Variants in ARHGEF6 observed in about 807,000 individuals in gnomAD.
ARHGEF6 encodes the protein rho guanine nucleotide exchange factor 6.
In ARHGEF6, 9 loss-of-function variants were observed where a neutral mutation model predicts 70.3. The observed-to-expected ratio is 0.13, with a 90% CI of 0.08 to 0.22. The LOEUF (loss-of-function observed/expected upper bound fraction) is 0.22. ARHGEF6 is among the 10% of genes least tolerant of loss of function. The pLI is 1.00. For missense variants in ARHGEF6, 470 were observed against 563.0 expected, an observed-to-expected ratio of 0.83 and a Z score of 1.67; for synonymous variants, 201 against 207.8, an observed-to-expected ratio of 0.97 and a Z score of 0.28.
chrX:136,714,501 T>A (rs1418761100), intron 6 of ARHGEF6, among the ~76,000 whole-genome samples: 1 of 112,435 alleles, frequency 8.9e-6, no homozygotes, highest in Non-Finnish European at 1.9e-5. Context: ...ATCGACTGAG[T>A]GCCTATTCTG....
chrX:136,742,335 A>C (rs189847990), intron 5 of ARHGEF6, among the ~76,000 whole-genome samples: 148 of 110,986 alleles, frequency 1.3e-3, no homozygotes, highest in Middle Eastern at 4.7e-3. Context: ...ACAACAACAA[A>C]AAAAAATAGA....
intron 13 of ARHGEF6, 105 bp downstream of exon 13, chrX:136,682,653 T>C: frequency 1.6e-6 from 1 of 617,956 alleles, no homozygotes; most frequent in Non-Finnish European, 2.7e-6. Flanking sequence ...AACATTCTGG[T>C]TCTCCTGGCT....
At chrX:136,697,753 A>G (rs188325091) in intron 9 of ARHGEF6, among the ~76,000 whole-genome samples, 2 of 112,649 alleles carry the variant, frequency 1.8e-5, no homozygotes, top group African/African-American at 6.5e-5. Context: ...AACAACAAAA[A>G]CATGTCCCAG....
intron 19 of ARHGEF6, among the ~76,000 whole-genome samples, chrX:136,672,324 T>C (rs780160407): frequency 2.3e-4 from 26 of 111,645 alleles, no homozygotes; most frequent in Non-Finnish European, 4.9e-4. Flanking sequence ...AATACACTGA[T>C]TCAATCTTCC....
intron 18 of ARHGEF6, among the ~76,000 whole-genome samples, chrX:136,675,803 A>T (rs1394126394): frequency 9.0e-6 from 1 of 110,965 alleles, no homozygotes; most frequent in Non-Finnish European, 1.9e-5. Context: ...TACAGGCATG[A>T]GCCACCGTGC....
intron 11 of ARHGEF6, among the ~76,000 whole-genome samples, chrX:136,686,520 A>G (rs1603336827): frequency 2.0e-5 from 2 of 100,178 alleles, no homozygotes; most frequent in East Asian, 6.2e-4. Flanking sequence ...TTTCAAACCA[A>G]GAAAAAATTA....
chrX:136,699,107 T>C (rs2076539619), intron 9 of ARHGEF6, among the ~76,000 whole-genome samples: 1 of 111,952 alleles, frequency 8.9e-6, no homozygotes, highest in African/African-American at 3.2e-5. Flanking sequence ...ACAAACACTA[T>C]AAATATATTT....
chrX:136,758,458 TCA>T (rs1012189989), intron 2 of ARHGEF6, among the ~76,000 whole-genome samples: 2 of 109,712 alleles, frequency 1.8e-5, no homozygotes, highest in Non-Finnish European at 3.8e-5. Flanking sequence ...TTGGAGAAAA[TCA>T]CAGTCAGAGA....
At chrX:136,777,133 G>A (rs2077412083) in intron 2 of ARHGEF6, among the ~76,000 whole-genome samples, 2 of 111,075 alleles carry the variant, frequency 1.8e-5, no homozygotes, top group South Asian at 7.5e-4. Flanking sequence ...GCTGAGGCAG[G>A]AGAATCGCTG....
At chrX:136,708,554 G>A (rs2076651120) in intron 8 of ARHGEF6, 121 bp downstream of exon 8, 2 of 564,171 alleles carry the variant, frequency 3.5e-6, no homozygotes, top group Non-Finnish European at 3.0e-6. Context: ...TTGCTACTTT[G>A]TTCAGAGCTG....
At chrX:136,727,620 G>A (rs925536289) in intron 6 of ARHGEF6, among the ~76,000 whole-genome samples, 56 of 102,115 alleles carry the variant, frequency 5.5e-4, no homozygotes, top group Admixed American at 1.3e-3. Flanking sequence ...TGCAACCTCC[G>A]CCTCCCAGGT....
chrX:136,746,472 T>C (rs745783385), intron 3 of ARHGEF6, among the ~76,000 whole-genome samples: 2 of 112,481 alleles, frequency 1.8e-5, no homozygotes, highest in South Asian at 7.2e-4. Context: ...GATAGCTTCC[T>C]AGATGCTCTA....
At chrX:136,713,504 C>T (rs749667401) in intron 6 of ARHGEF6, 134 bp from the exon 7 acceptor site, 2 of 480,877 alleles carry the variant, frequency 4.2e-6, no homozygotes, top group Non-Finnish European at 7.2e-6. Context: ...GCAAGGAACA[C>T]AAAATCTGAA....
chrX:136,689,438 T>C (rs2076436486), intron 10 of ARHGEF6, among the ~76,000 whole-genome samples: 1 of 112,147 alleles, frequency 8.9e-6, no homozygotes, highest in South Asian at 3.7e-4. Context: ...TGAAAAGTAA[T>C]AGAAACTGAG....
chrX:136,756,783 A>G (rs1196956612), intron 2 of ARHGEF6, among the ~76,000 whole-genome samples: 4 of 112,586 alleles, frequency 3.6e-5, no homozygotes, highest in African/African-American at 1.3e-4. Flanking sequence ...TCCCATTTAT[A>G]TATCTGTGTG....
chrX:136,724,408 G>A (rs1330915424), intron 6 of ARHGEF6, among the ~76,000 whole-genome samples: 2 of 110,939 alleles, frequency 1.8e-5, no homozygotes, highest in South Asian at 3.8e-4. Flanking sequence ...GACCATGTCT[G>A]GTAACAAGCC....
intron 9 of ARHGEF6, among the ~76,000 whole-genome samples, chrX:136,694,738 G>C (rs2076494099): frequency 9.0e-6 from 1 of 111,720 alleles, no homozygotes; most frequent in African/African-American, 3.3e-5. Context: ...GAAGAAACAG[G>C]AGCTACCATA....
intron 12 of ARHGEF6, 55 bp downstream of exon 12, chrX:136,685,622 A>G (rs74957857): frequency 1.8e-6 from 2 of 1,089,953 alleles, no homozygotes; most frequent in Non-Finnish European, 1.2e-6. Context: ...AAAAAAAAAA[A>G]GGAAGAAAAA....
chrX:136,762,541 C>T (rs1603354712), intron 2 of ARHGEF6, among the ~76,000 whole-genome samples: 1 of 111,090 alleles, frequency 9.0e-6, no homozygotes. Flanking sequence ...GTCCAGGCTC[C>T]AGTGCAGTGG....
Sources: allele counts gnomAD v4.1 joint callset (sites outside exome capture counted in the v4.1 genomes callset), GRCh38; gene constraint gnomAD v4.1.1; transcripts MANE v1.5; gene names NCBI Gene and HGNC (gene_info 2026-07-23, HGNC 2026-07-21).